Variants in FBXO17 observed in about 807,000 individuals in gnomAD.
The protein encoded by FBXO17 is F-box only protein 17.
Under a neutral mutation model 34.1 loss-of-function variants are expected in FBXO17, and 43 were observed. That is an observed-to-expected ratio of 1.26 (90% confidence interval 0.99 to 1.62). FBXO17 has a LOEUF of 1.62. Among genes scored for constraint, FBXO17 ranks in the 40% most tolerant of loss-of-function variants. FBXO17 has a pLI of 0.00. For synonymous variants in FBXO17, 169 were observed against 166.0 expected, an observed-to-expected ratio of 1.02 and a Z score of -0.14; for missense variants, 424 against 386.7, an observed-to-expected ratio of 1.10 and a Z score of -0.81.
In FBXO17 at chr19:38,965,329, C is replaced by CT. The variant is rs1318267136; in HGVS notation, c.-18+10256dup. Among the ~76,000 whole-genome samples the CT allele has an allele frequency of 1.2e-4, 16 of 132,346 alleles. No homozygotes were observed. In the South Asian group the frequency reaches 1.7e-3, roughly 14 times the overall value. 86.8% of individuals were successfully genotyped at this position (132,346 alleles called of 152,430 possible). ...CTGTGGCCATCTCAACATTCTTTTT[C>CT]TTTTCTTTTTTTTTTTTGAGATGGA... On this transcript the variant is annotated intron_variant, in intron 1 of 5. Transcript: ENST00000292852.
intron 4 of FBXO17, 121 bp downstream of exon 4, chr19:38,946,351 A>T: frequency 6.7e-7 from 1 of 1,482,912 alleles, no homozygotes; most frequent in Admixed American, 2.1e-5. Context: ...CAGCCTCATC[A>T]CAAAGGGTGC....
chr19:38,967,641 T>G (rs943550171), intron 1 of FBXO17, among the ~76,000 whole-genome samples: 1 of 151,762 alleles, frequency 6.6e-6, no homozygotes, highest in Non-Finnish European at 1.5e-5. Context: ...CTTGGCTCAC[T>G]GCAGCCTCAA....
At chr19:38,956,536 T>C (rs1253437399) in intron 1 of FBXO17, among the ~76,000 whole-genome samples, 1 of 152,156 alleles carries the variant, frequency 6.6e-6, no homozygotes, top group Non-Finnish European at 1.5e-5. Flanking sequence ...CTCAGCACCG[T>C]GGCTTAATAA....
chr19:38,958,766 C>T (rs1233102169), intron 1 of FBXO17, among the ~76,000 whole-genome samples: 1 of 152,174 alleles, frequency 6.6e-6, no homozygotes, highest in Non-Finnish European at 1.5e-5. Context: ...TCCTATCTGA[C>T]ACGCTTTTTC....
At chr19:38,966,986 T>G (rs944700139) in intron 1 of FBXO17, among the ~76,000 whole-genome samples, 3 of 152,240 alleles carry the variant, frequency 2.0e-5, no homozygotes, top group Admixed American at 6.5e-5. Flanking sequence ...TGATCTTGTG[T>G]TAAGCAGAGA....
chr19:38,954,029 A>G (rs1248592650), intron 1 of FBXO17, among the ~76,000 whole-genome samples: 1 of 152,154 alleles, frequency 6.6e-6, no homozygotes, highest in Non-Finnish European at 1.5e-5. Flanking sequence ...TTAGTTGTCT[A>G]GAAGACAGGA....
chr19:38,961,890 T>C (rs1975255178), intron 1 of FBXO17, among the ~76,000 whole-genome samples: 1 of 152,030 alleles, frequency 6.6e-6, no homozygotes, highest in Non-Finnish European at 1.5e-5. Context: ...CTTGAACTCC[T>C]GAGCTCAAGT....
intron 1 of FBXO17, among the ~76,000 whole-genome samples, chr19:38,953,030 G>T (rs1423603254): frequency 1.3e-5 from 2 of 152,104 alleles, no homozygotes; most frequent in Non-Finnish European, 2.9e-5. Context: ...GACCTGGCAC[G>T]CTGGCTCATG....
Position 38,949,789 on chromosome 19 carries a change from T to C in FBXO17, c.349+182A>G, listed in dbSNP as rs1204459596. The C allele has an allele frequency of 9.3e-6, 7 of 749,640 alleles. No homozygotes were observed. In the East Asian group the frequency reaches 1.2e-4, roughly 13 times the overall value. 46.4% of individuals were successfully genotyped at this position (749,640 alleles called of 1,614,324 possible). On this transcript the variant is annotated intron_variant, in intron 2 of 5. Coordinates refer to ENST00000292852, the MANE Select transcript of FBXO17 (RefSeq NM_024907.7). ...CCGCCCACTCGTTCGGATTCCCGGC[T>C]TCACCTTCTCCAGCCCCGCCCACCG...
At position 38,950,345 on chromosome 19, in the gene FBXO17, C is replaced by T. The variant is rs897751310; in HGVS notation, c.-17-9G>A. On this transcript the variant is annotated splice_polypyrimidine_tract_variant and intron_variant, in intron 1 of 5. Transcript: ENST00000292852. Reference sequence around the variant, plus strand: ...CTCCAGTAGCCAGAGTCCTGCAGGTCGAGAGGGGTCGGTAGGCGGGTCAGC... The same window carrying T: ...CTCCAGTAGCCAGAGTCCTGCAGGTTGAGAGGGGTCGGTAGGCGGGTCAGC... 2.1e-5 allele frequency: 29 copies of T among 1,402,984 alleles called. No homozygotes were observed. The highest frequency in any genetic ancestry group is 3.3e-5 in the Admixed American group (1 of 30,760). 86.9% of individuals were successfully genotyped at this position (1,402,984 alleles called of 1,614,324 possible).
intron 1 of FBXO17, among the ~76,000 whole-genome samples, chr19:38,961,000 G>A (rs1481758920): frequency 6.6e-6 from 1 of 151,816 alleles, no homozygotes; most frequent in Non-Finnish European, 1.5e-5. Context: ...TAGAGACGGG[G>A]TTTCACTGTG....
chr19:38,973,523 C>T (rs1187099353), intron 1 of FBXO17, among the ~76,000 whole-genome samples: 2 of 151,976 alleles, frequency 1.3e-5, no homozygotes, highest in African/African-American at 4.8e-5. Context: ...CTCTTTTAAT[C>T]TAAAACACTT....
Position 38,958,406 on chromosome 19 carries a change from CAAAAAA to C in FBXO17, c.-17-8076_-17-8071del, listed in dbSNP as rs61007658. Among the ~76,000 whole-genome samples, 15 of 98,718 alleles carry C rather than the reference CAAAAAA, an allele frequency of 1.5e-4. 1 individual carries two copies. Among genetic ancestry groups the C allele is most frequent in the African/African-American group, 3.9e-4 (11 of 27,892 alleles). The allele number at this position is 98,718 out of a possible 152,430, so 64.8% of individuals were successfully genotyped here. A position where few individuals can be genotyped will look rare whatever the true frequency, so the allele number is the denominator to read the frequency against. On this transcript the variant is annotated intron_variant, in intron 1 of 5. Coordinates refer to ENST00000292852, the MANE Select transcript of FBXO17 (RefSeq NM_024907.7). The stretch of plus-strand genomic sequence containing the variant: ...CTGGGCAACAAGAGTGAAACTGTCT[CAAAAAA>C]AAAAAAAAAAAAAAAAGGAAAGAGG...
In FBXO17 at chr19:38,950,313, C is replaced by G. The variant is rs1279336912; in HGVS notation, c.7G>C (p.Ala3Pro). 7 of 1,429,712 alleles carry G rather than the reference C, an allele frequency of 4.9e-6. No homozygotes were observed. The highest frequency in any genetic ancestry group is 1.5e-5 in the African/African-American group (1 of 67,022). 88.6% of individuals were successfully genotyped at this position (1,429,712 alleles called of 1,614,324 possible). A position where few individuals can be genotyped will look rare whatever the true frequency, so the allele number is the denominator to read the frequency against. MG[A>P]RLSRRRLPAD... ...GGCAGCCGTCGCCGCGATAGCCGGG[C>G]GCCCATCTCCAGTAGCCAGAGTCCT... The change falls in exon 2 of 6, where the codon GCC (alanine) becomes CCC (proline). Residue 3 changes from alanine (A) to proline (P), a missense_variant. Transcript: ENST00000292852.
At chr19:38,974,375 C>G (rs1319852187) in intron 1 of FBXO17, among the ~76,000 whole-genome samples, 2 of 151,986 alleles carry the variant, frequency 1.3e-5, no homozygotes, top group African/African-American at 4.8e-5. Flanking sequence ...ACCGCGCACG[C>G]CCGGCCTAAA....
At chr19:38,960,846 GC>G (rs1256899468) in intron 1 of FBXO17, among the ~76,000 whole-genome samples, 1 of 131,538 alleles carries the variant, frequency 7.6e-6, no homozygotes, top group Non-Finnish European at 1.6e-5. Context: ...TTGCTCTGTC[GC>G]CCAGGCTGGA....
intron 1 of FBXO17, among the ~76,000 whole-genome samples, chr19:38,953,125 T>C (rs1360477980): frequency 1.3e-5 from 2 of 150,924 alleles, no homozygotes; most frequent in Non-Finnish European, 3.0e-5. Context: ...AACACAGCGA[T>C]ACTCCACCTG....
chr19:38,968,448 C>A (rs1975348684), intron 1 of FBXO17, among the ~76,000 whole-genome samples: 1 of 150,502 alleles, frequency 6.6e-6, no homozygotes, highest in South Asian at 2.1e-4. Context: ...AATGCGCCAC[C>A]ACCCTCCAGC....
chr19:38,973,663 A>G (rs1975419380), intron 1 of FBXO17, among the ~76,000 whole-genome samples: 1 of 152,228 alleles, frequency 6.6e-6, no homozygotes, highest in Non-Finnish European at 1.5e-5. Flanking sequence ...TTACATAAAT[A>G]CAAAAATGTT....
Sources: allele counts gnomAD v4.1 joint callset (sites outside exome capture counted in the v4.1 genomes callset), GRCh38; gene constraint gnomAD v4.1.1; transcripts MANE v1.5; gene names NCBI Gene and HGNC (gene_info 2026-07-23, HGNC 2026-07-21).